Variants in CHD2 observed in about 807,000 individuals in gnomAD.
The protein encoded by CHD2 is chromodomain helicase DNA binding protein 2.
Under a neutral mutation model 243.9 loss-of-function variants are expected in CHD2, and 28 were observed. The ratio of observed to expected loss-of-function variants is 0.11; its 90% confidence interval spans 0.09 to 0.16. The LOEUF (loss-of-function observed/expected upper bound fraction) is 0.16, where lower values mean the gene tolerates loss of function less well. CHD2 is among the 10% of genes least tolerant of loss of function. CHD2 has a pLI of 1.00. For missense variants in CHD2, 1,386 were observed against 2,209.8 expected (o/e 0.63, Z 7.47); for synonymous variants, 775 against 779.0 (o/e 0.99, Z 0.09).
rs1260620410 is a variant in CHD2, at chr15:92,992,987, A to G, written c.3584A>G (p.Asn1195Ser). The change falls in exon 28 of 39, where the codon AAT becomes AGT. Residue 1195 changes from asparagine to serine, a missense_variant. Coordinates refer to ENST00000394196, the MANE Select transcript of CHD2 (RefSeq NM_001271.4). ...MQEYEEQLKE[N>S]ASEGKGPGKR... is the part of the protein sequence containing the mutation. ...GAATACGAAGAGCAGCTGAAAGAAA[A>G]TGCCAGCGAGGGTAAGCGAAGTTGG... 2 of 1,613,738 alleles carry G rather than the reference A, an allele frequency of 1.2e-6. No individual in the cohort carries two copies. The highest frequency in any genetic ancestry group is 2.2e-5 in the East Asian group (1 of 44,886).
At chr15:93,023,523 C>T (rs1471726688) in intron 38 of CHD2, among the ~76,000 whole-genome samples, 2 of 152,012 alleles carry the variant, frequency 1.3e-5, no homozygotes, top group African/African-American at 2.4e-5. Context: ...TGGATATGTG[C>T]CTGGGAGTGG....
rs767804369 is a variant in CHD2 at position 93,020,169 on chromosome 15, C to T, written c.5064C>T (p.Ser1688=). Residue 1688 remains serine, a synonymous_variant, in exon 38 of 39, where the codon AGC becomes AGT. Transcript: ENST00000394196. ...RRHMDAHRSG[S]YRPNNMSRKR... ...ATATGGATGCCCACCGTTCCGGAAG[C>T]TATCGACCCAACAACATGTCCAGAA... The T allele has an allele frequency of 1.4e-5, 23 of 1,614,082 alleles. No individual in the cohort carries two copies. In the Admixed American group the frequency reaches 3.3e-4, roughly 23 times the overall value.
intron 20 of CHD2, among the ~76,000 whole-genome samples, chr15:92,975,851 A>G (rs2053900289): frequency 1.7e-5 from 1 of 58,390 alleles, no homozygotes; most frequent in Admixed American, 3.1e-4. Flanking sequence ...GGCTTGGGGC[A>G]TTAATCTATT....
chr15:92,925,601 C>T (rs2053044698), intron 3 of CHD2, among the ~76,000 whole-genome samples: 1 of 152,142 alleles, frequency 6.6e-6, no homozygotes, highest in Non-Finnish European at 1.5e-5. Flanking sequence ...ATAGCTCTAG[C>T]AGAGGGCCAG....
chr15:92,979,932 T>C (rs1042364949), intron 22 of CHD2, among the ~76,000 whole-genome samples: 12 of 151,712 alleles, frequency 7.9e-5, no homozygotes, highest in African/African-American at 2.4e-4. Flanking sequence ...AAAATAATAA[T>C]ATCAATATTA....
intron 5 of CHD2, 31 bp downstream of exon 5, chr15:92,929,122 C>T (rs770645987): frequency 1.1e-5 from 18 of 1,575,584 alleles, no homozygotes; most frequent in Middle Eastern, 1.7e-4. Flanking sequence ...ATTATTCAAT[C>T]TAGTAGTTTC....
At chr15:92,940,825 A>G (rs2053353613) in intron 7 of CHD2, among the ~76,000 whole-genome samples, 1 of 139,624 alleles carries the variant, frequency 7.2e-6, no homozygotes, top group Non-Finnish European at 1.5e-5. Context: ...ATATATAAAT[A>G]TTATAAATAT....
chr15:92,972,454 A>G (rs781497801), intron 19 of CHD2, 37 bp downstream of exon 19: 40 of 1,541,780 alleles, frequency 2.6e-5, no homozygotes, highest in Non-Finnish European at 3.1e-5. Flanking sequence ...GGGGGAATCA[A>G]TCTCTCTCTC....
chr15:92,994,354 T>A (rs2054160366), intron 28 of CHD2, among the ~76,000 whole-genome samples: 1 of 152,298 alleles, frequency 6.6e-6, no homozygotes, highest in East Asian at 1.9e-4. Context: ...AGTGAGTATT[T>A]GTGCTTTGAA....
chr15:93,004,270 G>T (rs879778105), intron 33 of CHD2, among the ~76,000 whole-genome samples: 10 of 152,138 alleles, frequency 6.6e-5, no homozygotes, highest in Admixed American at 6.5e-4. Flanking sequence ...TGTTAATAAA[G>T]GTTGCTACAT....
Position 92,972,520 on chromosome 15 carries a change from G to C in CHD2, c.2505+103G>C, listed in dbSNP as rs971941209. 12 of 1,037,218 alleles carry C rather than the reference G, an allele frequency of 1.2e-5. No homozygotes were observed. The African/African-American group carries it at 1.8e-4, about 16-fold the overall frequency. The allele number at this position is 1,037,218 out of a possible 1,614,324, so 64.3% of individuals were successfully genotyped here. A position where few individuals can be genotyped will look rare whatever the true frequency, so the allele number is the denominator to read the frequency against. On this transcript the variant is annotated intron_variant, in intron 19 of 38. Transcript: ENST00000394196. ...GTTGTATGCTTTGCTTGTTAAAGTA[G>C]GAAGTAAGAGTTTTCTTGTTTCAAA...
chr15:92,909,806 C>T (rs540597773), intron 2 of CHD2, among the ~76,000 whole-genome samples: 5 of 152,008 alleles, frequency 3.3e-5, no homozygotes, highest in African/African-American at 9.6e-5. Context: ...TGTGAGCCAC[C>T]GTACCTGGCC....
At chr15:92,948,731 T>A (rs956624090) in intron 12 of CHD2, among the ~76,000 whole-genome samples, 1 of 152,008 alleles carries the variant, frequency 6.6e-6, no homozygotes, top group Non-Finnish European at 1.5e-5. Flanking sequence ...CCCAGCTACT[T>A]GGGAGGCTGA....
At chr15:92,967,628 C>G in intron 17 of CHD2, 115 bp downstream of exon 17, 4 of 624,088 alleles carry the variant, frequency 6.4e-6, no homozygotes, top group Non-Finnish European at 9.6e-6. Flanking sequence ...CAGAGTCTCG[C>G]GATTCTGCTG....
intron 2 of CHD2, chr15:92,904,351 A>T (rs1043280135): frequency 9.6e-6 from 7 of 727,616 alleles, no homozygotes; most frequent in Non-Finnish European, 5.0e-6. Context: ...CAGCAGGGTC[A>T]ACGGCGGCGC....
chr15:92,943,045 A>G lies in CHD2; in HGVS notation c.1029A>G (p.Lys343=). 1 of 1,613,658 alleles carries G rather than the reference A, an allele frequency of 6.2e-7. No individual in the cohort carries two copies. The highest frequency in any genetic ancestry group is 8.5e-7 in the Non-Finnish European group (1 of 1,179,608). Residue 343 remains lysine, a synonymous_variant, in exon 9 of 39, where the codon AAA becomes AAG. Coordinates refer to ENST00000394196, the MANE Select transcript of CHD2 (RefSeq NM_001271.4). ...TAAAAAAACTAGAGAACTTCAAGAAAAAAGAGGACGAAATCAAACAATGGT... is the reference window on the plus strand; with the variant it reads ...TAAAAAAACTAGAGAACTTCAAGAAGAAAGAGGACGAAATCAAACAATGGT... The part of the protein sequence containing the change: ...KGLKKLENFK[K]KEDEIKQWLG...
chr15:92,982,021 A>G (rs903572486), intron 24 of CHD2, among the ~76,000 whole-genome samples: 2 of 152,228 alleles, frequency 1.3e-5, no homozygotes, highest in Admixed American at 6.5e-5. Flanking sequence ...GAGTACAGGG[A>G]TGCTAAATTA....
chr15:92,923,561 GTTTTT>G (rs1199703270), intron 2 of CHD2, among the ~76,000 whole-genome samples: 5 of 121,530 alleles, frequency 4.1e-5, no homozygotes, highest in Non-Finnish European at 8.6e-5. Context: ...TGTCCAGCTT[GTTTTT>G]TTTTTTTTTT....
At chr15:92,912,587 G>A (rs537996877) in intron 2 of CHD2, among the ~76,000 whole-genome samples, 3 of 152,334 alleles carry the variant, frequency 2.0e-5, no homozygotes, top group Non-Finnish European at 1.5e-5. Context: ...GAGCTAGAGT[G>A]CAATGGCTCG....
Sources: gnomAD v4.1 joint callset for allele counts (sites outside exome capture counted in the v4.1 genomes callset) on GRCh38, gnomAD v4.1.1 for gene constraint, MANE v1.5 for transcripts, NCBI Gene and HGNC (gene_info 2026-07-23, HGNC 2026-07-21) for gene names.